Variants in ERCC6L2 observed in about 807,000 individuals in gnomAD.
ERCC6L2 encodes DNA excision repair protein ERCC-6-like 2.
ERCC6L2 carries 77 observed loss-of-function variants against 132.0 expected under a neutral mutation model. That is an observed-to-expected ratio of 0.58 (90% CI 0.49 to 0.71). The LOEUF (loss-of-function observed/expected upper bound fraction) is 0.71, where lower values mean the gene tolerates loss of function less well. Ranked by LOEUF, ERCC6L2 falls within the 30% of genes least tolerant of loss-of-function variation. The probability of loss-of-function intolerance (pLI) is 0.00; values close to 1 mark genes in which losing one functional copy is unlikely to be tolerated. For missense variants in ERCC6L2, 1,542 were observed against 1,837.6 expected (o/e 0.84, Z 2.94); for synonymous variants, 583 against 632.4 (o/e 0.92, Z 1.17).
intron 14 of ERCC6L2, 165 bp downstream of exon 14, chr9:95,966,879 G>C: frequency 4.3e-6 from 2 of 459,872 alleles, no homozygotes; most frequent in Non-Finnish European, 7.3e-6. Context: ...ATGAATTATT[G>C]TACCTCTAAA....
chr9:95,916,250 G>A lies in ERCC6L2; in HGVS notation c.974G>A (p.Ser325Asn), dbSNP rs750848886. The A allele has an allele frequency of 6.2e-7, 1 of 1,614,142 alleles. No homozygotes were observed. Among genetic ancestry groups the A allele is most frequent in the Non-Finnish European group, 8.5e-7 (1 of 1,180,002 alleles). ...MDWAVPGLLGSGTYFKKQFSD... is the reference protein window; with the variant it reads ...MDWAVPGLLGNGTYFKKQFSD... ...AGGGCTGTGCCAGGCCTTTTAGGGA[G>A]TGGGACCTACTTCAAGAAGCAGTTT... is the stretch of plus-strand genomic sequence containing the variant. Residue 325 changes from serine (S) to asparagine (N), a missense_variant, in exon 6 of 19, where the codon AGT becomes AAT. Ser to Asn is a conservative substitution (Grantham distance 46, BLOSUM62 1). Around this residue, in one of 4 missense-constraint regions of ERCC6L2, gnomAD observed 945 missense variants for 1,105.2 expected, o/e 0.86. Coordinates refer to ENST00000653738, the MANE Select transcript of ERCC6L2 (RefSeq NM_020207.7).
At position 96,012,805 on chromosome 9, in the gene ERCC6L2, A is replaced by G. The variant is rs1238513429; in HGVS notation, c.4255A>G (p.Lys1419Glu). Residue 1419 changes from lysine (K) to glutamate (E), a missense_variant, in exon 19 of 19, where the codon AAA becomes GAA. Physicochemically the swap from Lys to Glu is moderately conservative, Grantham distance 56. This residue lies in a region of ERCC6L2 where 442 missense variants were observed against 583.4 expected (regional missense o/e 0.76). Coordinates refer to ENST00000653738, the MANE Select transcript of ERCC6L2 (RefSeq NM_020207.7). ...CATTTCAAGAAAAGAACCCCTTCTCAAATTGGAAAACAAAAAGATAGAAAA... is the reference window on the plus strand; with the variant it reads ...CATTTCAAGAAAAGAACCCCTTCTCGAATTGGAAAACAAAAAGATAGAAAA... ...TGISRKEPLL[K>E]LENKKIENPV... is the part of the protein sequence containing the mutation. 1 of 1,367,596 alleles carries G rather than the reference A, an allele frequency of 7.3e-7. No individual in the cohort carries two copies. Among genetic ancestry groups the G allele is most frequent in the East Asian group, 4.5e-5 (1 of 21,998 alleles). The allele number at this position is 1,367,596 out of a possible 1,614,324, so 84.7% of individuals were successfully genotyped here.
Position 95,875,960 on chromosome 9 carries a change from T to C in ERCC6L2, c.-79T>C, listed in dbSNP as rs141071823. 4,042 of 1,497,954 alleles carry C rather than the reference T, an allele frequency of 2.7e-3. 88 individuals are homozygous for C. In the African/African-American group the frequency reaches 0.049, roughly 18 times the overall value. 92.8% of individuals were successfully genotyped at this position (1,497,954 alleles called of 1,614,324 possible). A position where few individuals can be genotyped will look rare whatever the true frequency, so the allele number is the denominator to read the frequency against. On this transcript the variant is annotated 5_prime_UTR_variant, in exon 1 of 19. Transcript: ENST00000653738. ...GAAGTGGCGTTGGCCGCCATTGGCCTGCCGGCCAGCCACCTTGCTGTCCTC... is the reference window on the plus strand; with the variant it reads ...GAAGTGGCGTTGGCCGCCATTGGCCCGCCGGCCAGCCACCTTGCTGTCCTC...
intron 2 of ERCC6L2, among the ~76,000 whole-genome samples, chr9:95,882,725 G>A (rs1394895777): frequency 2.0e-5 from 3 of 152,060 alleles, no homozygotes; most frequent in Non-Finnish European, 4.4e-5. Context: ...GAAAAACTAG[G>A]CTAAAATAAA....
intron 4 of ERCC6L2, among the ~76,000 whole-genome samples, chr9:95,914,936 A>G (rs2132701591): frequency 6.6e-6 from 1 of 152,080 alleles, no homozygotes; most frequent in East Asian, 1.9e-4. Context: ...GTTAATTTTC[A>G]TGTGTGGTGT....
At chr9:96,030,950 G>A (rs1834451676) in intron 19 of ERCC6L2, among the ~76,000 whole-genome samples, 1 of 152,192 alleles carries the variant, frequency 6.6e-6, no homozygotes, top group African/African-American at 2.4e-5. Context: ...CCTCCGGACA[G>A]GCCCTGGTGC....
In ERCC6L2 at chr9:95,881,012, A is replaced by G. The variant is rs146034461; in HGVS notation, c.190A>G (p.Ile64Val). The G allele has an allele frequency of 2.3e-5, 37 of 1,613,950 alleles. No homozygotes were observed. Among genetic ancestry groups the G allele is most frequent in the Non-Finnish European group, 2.9e-5 (34 of 1,179,950 alleles). Residue 64 changes from isoleucine to valine, a missense_variant, in exon 2 of 19, where the codon ATA becomes GTA. By Grantham distance (29) the Ile-to-Val change is conservative (BLOSUM62 3). Coordinates refer to ENST00000653738, the MANE Select transcript of ERCC6L2 (RefSeq NM_020207.7). ...VLYADFQERK[I>V]PLKQLQEVKF... Reference sequence around the variant, plus strand: ...ATATGCAGATTTTCAAGAAAGGAAAATACCTCTTAAACAGCTTCAAGAAGT... The same window carrying G: ...ATATGCAGATTTTCAAGAAAGGAAAGTACCTCTTAAACAGCTTCAAGAAGT...
chr9:96,030,938 T>C (rs1235332074), intron 19 of ERCC6L2, among the ~76,000 whole-genome samples: 5 of 152,176 alleles, frequency 3.3e-5, no homozygotes, highest in Non-Finnish European at 4.4e-5. Flanking sequence ...CCCTCCCTGG[T>C]GCCTCCGGAC....
chr9:96,030,912 C>T (rs1167861986), intron 19 of ERCC6L2, among the ~76,000 whole-genome samples: 1 of 152,176 alleles, frequency 6.6e-6, no homozygotes, highest in Non-Finnish European at 1.5e-5. Flanking sequence ...GCAGTGAAGC[C>T]TTTGCCCAGG....
chr9:96,033,381 A>G (rs1467801830), intron 19 of ERCC6L2, among the ~76,000 whole-genome samples: 1 of 152,078 alleles, frequency 6.6e-6, no homozygotes, highest in Non-Finnish European at 1.5e-5. Flanking sequence ...AGTAGCTGAG[A>G]TGACAGGCAC....
chr9:96,014,800 G>A lies in ERCC6L2; in HGVS notation c.*1597G>A, dbSNP rs180919261. ...CAGATGGTATGTTTTGCCATTGAGGGGCCTTCTACACAATGAGTGCATGAT... is the reference window on the plus strand; with the variant it reads ...CAGATGGTATGTTTTGCCATTGAGGAGCCTTCTACACAATGAGTGCATGAT... On this transcript the variant is annotated 3_prime_UTR_variant, in exon 19 of 19. Coordinates refer to ENST00000653738, the MANE Select transcript of ERCC6L2 (RefSeq NM_020207.7). 2.6e-5 allele frequency among the ~76,000 whole-genome samples: 4 copies of A among 152,130 alleles called. No homozygotes were observed. In the East Asian group the frequency reaches 7.7e-4, roughly 29 times the overall value.
At chr9:95,980,646 A>C (rs534618955) in intron 17 of ERCC6L2, among the ~76,000 whole-genome samples, 1 of 152,306 alleles carries the variant, frequency 6.6e-6, no homozygotes, top group East Asian at 1.9e-4. Context: ...CACACTCATC[A>C]TCTTTGGCTA....
chr9:95,980,609 G>A (rs1050239234), intron 17 of ERCC6L2, among the ~76,000 whole-genome samples: 3 of 152,110 alleles, frequency 2.0e-5, no homozygotes, highest in Admixed American at 6.5e-5. Context: ...TATTACTTCA[G>A]CACCTTTAAT....
intron 18 of ERCC6L2, among the ~76,000 whole-genome samples, chr9:96,005,558 A>G (rs1241111890): frequency 2.0e-5 from 3 of 151,860 alleles, no homozygotes; most frequent in Non-Finnish European, 4.4e-5. Context: ...GAACCGGAGT[A>G]GGAGCATCTC....
At chr9:96,030,866 C>T (rs1205382154) in intron 19 of ERCC6L2, among the ~76,000 whole-genome samples, 2 of 152,200 alleles carry the variant, frequency 1.3e-5, no homozygotes, top group African/African-American at 2.4e-5. Flanking sequence ...GATCCTAAAC[C>T]TTCTGAGCCT....
chr9:95,936,751 CT>C (rs990714174), intron 11 of ERCC6L2, among the ~76,000 whole-genome samples: 8 of 152,140 alleles, frequency 5.3e-5, no homozygotes, highest in East Asian at 1.9e-4. Context: ...TCATGCTGTC[CT>C]TTTGTAGTCA....
At chr9:95,918,168 TA>T in intron 6 of ERCC6L2, 2 of 474,568 alleles carry the variant, frequency 4.2e-6, no homozygotes. Context: ...TCATCCTGGC[TA>T]AAGGAGCAGA....
At chr9:95,938,812 A>G (rs1393449653) in intron 11 of ERCC6L2, among the ~76,000 whole-genome samples, 4 of 152,128 alleles carry the variant, frequency 2.6e-5, no homozygotes, top group African/African-American at 7.2e-5. Flanking sequence ...AGGCCATTAT[A>G]TTGAAGGTAA....
At position 95,966,618 on chromosome 9, in the gene ERCC6L2, T is replaced by G; in HGVS notation, c.2004T>G (p.Val668=). The change falls in exon 14 of 19, where the codon GTT becomes GTG. Residue 668 remains valine (V), a synonymous_variant. Coordinates refer to ENST00000653738, the MANE Select transcript of ERCC6L2 (RefSeq NM_020207.7). Reference sequence around the variant, plus strand: ...ATGCCAAACGATATTTTGAAGCAGTTCAAGGATCTAAAGAGCATCAAGGAG... The same window carrying G: ...ATGCCAAACGATATTTTGAAGCAGTGCAAGGATCTAAAGAGCATCAAGGAG... ...SENAKRYFEA[V]QGSKEHQGEL... is the part of the protein sequence containing the mutation. 2 of 1,546,880 alleles carry G rather than the reference T, an allele frequency of 1.3e-6. No homozygotes were observed. Among genetic ancestry groups the G allele is most frequent in the Non-Finnish European group, 1.8e-6 (2 of 1,132,426 alleles).
Sources: allele counts gnomAD v4.1 joint callset (sites outside exome capture counted in the v4.1 genomes callset), GRCh38; gene constraint gnomAD v4.1.1; regional missense constraint gnomAD v4.1.1; transcripts MANE v1.5; gene names NCBI Gene and HGNC (gene_info 2026-07-23, HGNC 2026-07-21).